DLGAP2: variants seen among roughly 807,000 people sequenced by gnomAD.
The protein encoded by DLGAP2 is DLG associated protein 2.
Under a neutral mutation model 100.3 loss-of-function variants are expected in DLGAP2, and 26 were observed. That is an observed-to-expected ratio of 0.26 (90% CI 0.19 to 0.36). The LOEUF is 0.36. DLGAP2 is among the 10% of genes least tolerant of loss of function. DLGAP2 has a pLI of 1.00. For synonymous variants in DLGAP2, 886 were observed against 630.1 expected, an observed-to-expected ratio of 1.41 and a Z score of -6.08; for missense variants, 1,858 against 1,453.2, an observed-to-expected ratio of 1.28 and a Z score of -4.53.
chr8:1,103,106 G>C (rs772811421), intron 2 of DLGAP2, among the ~76,000 whole-genome samples: 1 of 151,976 alleles, frequency 6.6e-6, no homozygotes, highest in Non-Finnish European at 1.5e-5. Flanking sequence ...GAGGTTTTCC[G>C]GGGTCTTTCT....
chr8:1,165,991 G>T (rs1272900516), intron 2 of DLGAP2, among the ~76,000 whole-genome samples: 1 of 152,052 alleles, frequency 6.6e-6, no homozygotes, highest in Admixed American at 6.5e-5. Flanking sequence ...GTAATATTTG[G>T]AAAAAATGTG....
At chr8:1,211,679 C>T (rs1342939104) in intron 2 of DLGAP2, among the ~76,000 whole-genome samples, 3 of 152,106 alleles carry the variant, frequency 2.0e-5, no homozygotes, top group Non-Finnish European at 4.4e-5. Flanking sequence ...AGTTCGAGAC[C>T]AGCCTGACCA....
chr8:1,130,963 G>T (rs777978371), intron 2 of DLGAP2, among the ~76,000 whole-genome samples: 1 of 152,158 alleles, frequency 6.6e-6, no homozygotes, highest in Non-Finnish European at 1.5e-5. Flanking sequence ...GCCGGTCCTG[G>T]CTGTGTCCTA....
intron 3 of DLGAP2, among the ~76,000 whole-genome samples, chr8:1,366,452 TC>T (rs1802110227): frequency 6.6e-6 from 1 of 152,150 alleles, no homozygotes; most frequent in Non-Finnish European, 1.5e-5. Flanking sequence ...CAGACGTGGG[TC>T]CCCATCTGAA....
intron 2 of DLGAP2, among the ~76,000 whole-genome samples, chr8:1,018,086 C>T (rs1264248846): frequency 6.6e-6 from 1 of 152,060 alleles, no homozygotes; most frequent in African/African-American, 2.4e-5. Flanking sequence ...CAGTCAGCTG[C>T]ATTGACCAAG....
intron 1 of DLGAP2, among the ~76,000 whole-genome samples, chr8:902,506 G>C (rs906907033): frequency 6.9e-6 from 1 of 145,610 alleles, no homozygotes; most frequent in African/African-American, 2.6e-5. Flanking sequence ...TGGGTGCCCT[G>C]CGTGAGGGTG....
chr8:1,180,594 A>G (rs558423041), intron 2 of DLGAP2, among the ~76,000 whole-genome samples: 23 of 148,116 alleles, frequency 1.6e-4, no homozygotes, highest in Admixed American at 6.2e-4. Context: ...CACACTGTCG[A>G]GTGTGTGTGG....
chr8:1,274,937 C>T (rs145804283), intron 3 of DLGAP2, among the ~76,000 whole-genome samples: 5,925 of 152,080 alleles, frequency 0.039, 169 homozygotes, highest in African/African-American at 0.074. Flanking sequence ...CTAGGAATTG[C>T]GGCAGCCATG....
chr8:1,105,854 A>AGG (rs532359684), intron 2 of DLGAP2, among the ~76,000 whole-genome samples: 224 of 137,414 alleles, frequency 1.6e-3, no homozygotes, highest in Non-Finnish European at 2.9e-3. Flanking sequence ...TTTTCTACTG[A>AGG]GGGGGACCAT....
chr8:974,660 G>A (rs1032672252), intron 2 of DLGAP2, among the ~76,000 whole-genome samples: 3 of 152,068 alleles, frequency 2.0e-5, no homozygotes, highest in Non-Finnish European at 2.9e-5. Context: ...ATTCGTCAAA[G>A]AAGAAGTCTC....
At chr8:761,110 C>T (rs1432420410) in intron 1 of DLGAP2, among the ~76,000 whole-genome samples, 4 of 152,166 alleles carry the variant, frequency 2.6e-5, no homozygotes, top group Admixed American at 2.6e-4. Flanking sequence ...GCTTGTGTCC[C>T]TTTCGTCTCT....
At chr8:1,417,511 G>T (rs1408534377) in intron 3 of DLGAP2, among the ~76,000 whole-genome samples, 1 of 152,208 alleles carries the variant, frequency 6.6e-6, no homozygotes, top group Non-Finnish European at 1.5e-5. Flanking sequence ...ACCAGGGCAG[G>T]CATAGTACAT....
chr8:1,223,180 C>T (rs923816231), intron 2 of DLGAP2, among the ~76,000 whole-genome samples: 1 of 152,170 alleles, frequency 6.6e-6, no homozygotes, highest in African/African-American at 2.4e-5. Flanking sequence ...CACTCAAGGC[C>T]AATAACAAGT....
In DLGAP2 at chr8:1,454,086, G is replaced by A. The variant is rs565605964; in HGVS notation, c.107-47280G>A. ...ATCGCAAAGTTGAAATCTGAGGCACGATGAAGCCATGGAAACCACATGCAA... is the reference window on the plus strand; with the variant it reads ...ATCGCAAAGTTGAAATCTGAGGCACAATGAAGCCATGGAAACCACATGCAA... On this transcript the variant is annotated intron_variant, in intron 3 of 14. Transcript: ENST00000637795. Among the ~76,000 whole-genome samples the A allele has an allele frequency of 2.6e-5, 4 of 152,336 alleles. No homozygotes were observed. In the South Asian group the frequency reaches 6.2e-4, roughly 24 times the overall value.
chr8:1,341,344 C>T (rs761432885), intron 3 of DLGAP2, among the ~76,000 whole-genome samples: 1 of 152,192 alleles, frequency 6.6e-6, no homozygotes, highest in East Asian at 1.9e-4. Flanking sequence ...GACGTGCAGT[C>T]CTTTTGGCAT....
intron 2 of DLGAP2, among the ~76,000 whole-genome samples, chr8:1,179,888 T>C (rs1409811784): frequency 6.6e-6 from 1 of 152,218 alleles, no homozygotes; most frequent in African/African-American, 2.4e-5. Context: ...AGTGTACAAA[T>C]AATTATGTGA....
chr8:1,249,713 A>G (rs938344240), intron 2 of DLGAP2, among the ~76,000 whole-genome samples: 1 of 152,158 alleles, frequency 6.6e-6, no homozygotes, highest in African/African-American at 2.4e-5. Context: ...ATTGAGTTTC[A>G]TAGATTAAAA....
At chr8:1,472,540 G>T (rs1171856868) in intron 3 of DLGAP2, among the ~76,000 whole-genome samples, 2 of 152,150 alleles carry the variant, frequency 1.3e-5, no homozygotes, top group Admixed American at 1.3e-4. Flanking sequence ...AAATGTCAGG[G>T]TCTCGGGCCC....
intron 1 of DLGAP2, among the ~76,000 whole-genome samples, chr8:879,903 C>T (rs1797754856): frequency 6.6e-6 from 1 of 152,166 alleles, no homozygotes; most frequent in African/African-American, 2.4e-5. Context: ...CTCCATTCTC[C>T]TTCCGTGTCT....
Sources: allele counts gnomAD v4.1 joint callset (sites outside exome capture counted in the v4.1 genomes callset), GRCh38; gene constraint gnomAD v4.1.1; transcripts MANE v1.5; gene names NCBI Gene and HGNC (gene_info 2026-07-23, HGNC 2026-07-21).